The following VAV3 variants were observed in gnomAD, a reference collection of about 807,000 sequenced individuals.
VAV3 encodes the protein vav guanine nucleotide exchange factor 3, also known as guanine nucleotide exchange factor VAV3.
A neutral mutation model predicts 131.2 loss-of-function variants in VAV3; 94 were observed. The observed-to-expected ratio is 0.72, with a 90% CI of 0.61 to 0.85. The LOEUF (loss-of-function observed/expected upper bound fraction) is 0.85, where lower values mean the gene tolerates loss of function less well. Among genes scored for constraint, VAV3 ranks in the 40% least tolerant of loss-of-function variants. The probability of loss-of-function intolerance (pLI) is 0.00; values close to 1 mark genes in which losing one functional copy is unlikely to be tolerated. For missense variants in VAV3, 939 were observed against 1,002.7 expected (o/e 0.94, Z 0.86); for synonymous variants, 349 against 342.0 (o/e 1.02, Z -0.22).
At chr1:107,950,720 G>A (rs1229938971) in intron 1 of VAV3, among the ~76,000 whole-genome samples, 1 of 152,178 alleles carries the variant, frequency 6.6e-6, no homozygotes, top group Admixed American at 6.5e-5. Flanking sequence ...AAGGGAATTG[G>A]AGTAAAAATG....
Position 107,950,765 on chromosome 1 carries a change from A to G in VAV3, c.204+13901T>C, listed in dbSNP as rs573835815. On this transcript the variant is annotated intron_variant, in intron 1 of 26. Coordinates refer to ENST00000370056, the MANE Select transcript of VAV3 (RefSeq NM_006113.5). ...ATCATAAATTCTGACAGGACTCGAG[A>G]GTACACAGTCAAGACCAGATGGACC... is the stretch of plus-strand genomic sequence containing the variant. Among the ~76,000 whole-genome samples the G allele has an allele frequency of 2.0e-5, 3 of 152,260 alleles. No homozygotes were observed. In the East Asian group the frequency reaches 5.8e-4, roughly 29 times the overall value.
chr1:107,760,351 T>A (rs1368950597), intron 10 of VAV3, among the ~76,000 whole-genome samples: 2 of 152,160 alleles, frequency 1.3e-5, no homozygotes, highest in African/African-American at 4.8e-5. Context: ...TATAATTTAG[T>A]ATAGTAGAAA....
chr1:107,615,444 A>G (rs1262367980), intron 21 of VAV3, among the ~76,000 whole-genome samples: 2 of 152,202 alleles, frequency 1.3e-5, no homozygotes, highest in African/African-American at 4.8e-5. Context: ...ATATACAAAA[A>G]TCAGCTCGAG....
intron 25 of VAV3, among the ~76,000 whole-genome samples, chr1:107,581,618 A>G (rs1021519500): frequency 6.6e-6 from 1 of 152,230 alleles, no homozygotes; most frequent in Non-Finnish European, 1.5e-5. Context: ...GACTGAGAAG[A>G]TAACACCACA....
At chr1:107,595,709 A>G (rs1417405291) in intron 25 of VAV3, among the ~76,000 whole-genome samples, 2 of 152,182 alleles carry the variant, frequency 1.3e-5, no homozygotes, top group Admixed American at 1.3e-4. Context: ...TCATTCTGAA[A>G]GAAAGTGGCC....
At chr1:107,676,002 C>G (rs1658183197) in intron 19 of VAV3, among the ~76,000 whole-genome samples, 1 of 152,120 alleles carries the variant, frequency 6.6e-6, no homozygotes, top group Non-Finnish European at 1.5e-5. Context: ...AACAGAGGAT[C>G]CTACAAATGG....
chr1:107,766,403 T>C, intron 8 of VAV3, 44 bp downstream of exon 8: 1 of 1,319,738 alleles, frequency 7.6e-7, no homozygotes, highest in East Asian at 2.3e-5. Flanking sequence ...ATCCTCACTA[T>C]AATTACAAGC....
intron 1 of VAV3, among the ~76,000 whole-genome samples, chr1:107,926,710 C>T (rs1241149738): frequency 6.6e-6 from 1 of 152,190 alleles, no homozygotes; most frequent in Non-Finnish European, 1.5e-5. Context: ...CCAAACCAGG[C>T]TGAACTCAGC....
At chr1:107,879,367 G>C (rs1056262902) in intron 1 of VAV3, among the ~76,000 whole-genome samples, 3 of 152,140 alleles carry the variant, frequency 2.0e-5, no homozygotes, top group Non-Finnish European at 4.4e-5. Flanking sequence ...ATATACACAG[G>C]ATTGGCCTAA....
chr1:107,862,743 C>T (rs1669796825), intron 2 of VAV3: 1 of 151,470 alleles, frequency 6.6e-6, no homozygotes, highest in Non-Finnish European at 1.5e-5. Flanking sequence ...GGATACGGCC[C>T]AACAACTAAG....
intron 1 of VAV3, among the ~76,000 whole-genome samples, chr1:107,940,385 G>A (rs1673928863): frequency 6.6e-6 from 1 of 152,216 alleles, no homozygotes; most frequent in Non-Finnish European, 1.5e-5. Context: ...AAGCAAGCCA[G>A]TGTTCCCAGA....
intron 2 of VAV3, among the ~76,000 whole-genome samples, chr1:107,807,395 T>C (rs1228562704): frequency 6.6e-6 from 1 of 152,238 alleles, no homozygotes; most frequent in African/African-American, 2.4e-5. Context: ...TAAAAGAATC[T>C]GATTTATCCT....
At chr1:107,840,552 A>C (rs1668655831) in intron 2 of VAV3, among the ~76,000 whole-genome samples, 1 of 152,196 alleles carries the variant, frequency 6.6e-6, no homozygotes, top group Non-Finnish European at 1.5e-5. Flanking sequence ...TGCTTTGATG[A>C]CATTTCATTG....
intron 1 of VAV3, among the ~76,000 whole-genome samples, chr1:107,881,605 C>G (rs1267943253): frequency 6.6e-6 from 1 of 152,196 alleles, no homozygotes; most frequent in Non-Finnish European, 1.5e-5. Flanking sequence ...CTCTCTCCCT[C>G]TTCAGAAGGG....
chr1:107,759,349 A>C, intron 10 of VAV3, among the ~76,000 whole-genome samples: 1 of 152,198 alleles, frequency 6.6e-6, no homozygotes, highest in Non-Finnish European at 1.5e-5. Flanking sequence ...TACTTCATTA[A>C]ATAAAAGTCA....
At position 107,757,249 on chromosome 1, in the gene VAV3, A is replaced by G; in HGVS notation, c.1086+12T>C. 1.9e-6 allele frequency: 3 copies of G among 1,610,048 alleles called. No homozygotes were observed. The highest frequency in any genetic ancestry group is 2.5e-6 in the Non-Finnish European group (3 of 1,178,660). On this transcript the variant is annotated intron_variant, in intron 11 of 26. Coordinates refer to ENST00000370056, the MANE Select transcript of VAV3 (RefSeq NM_006113.5). ...AAAAAATACAAACAAATTACTGATGAATCTGCCCTACCTTCATGGCATCAA... is the reference window on the plus strand; with the variant it reads ...AAAAAATACAAACAAATTACTGATGGATCTGCCCTACCTTCATGGCATCAA...
At chr1:107,765,290 CA>C in intron 8 of VAV3, 115 bp from the exon 9 acceptor site, 2 of 751,242 alleles carry the variant, frequency 2.7e-6, no homozygotes, top group Non-Finnish European at 4.6e-6. Context: ...ACCAAAATAG[CA>C]GTAGAAATTA....
chr1:107,896,921 C>T (rs1030674653), intron 1 of VAV3, among the ~76,000 whole-genome samples: 1 of 152,058 alleles, frequency 6.6e-6, no homozygotes, highest in African/African-American at 2.4e-5. Context: ...AAAAAAGCCC[C>T]TCTCCAGAAA....
intron 15 of VAV3, among the ~76,000 whole-genome samples, chr1:107,740,658 T>C (rs1662967216): frequency 6.6e-6 from 1 of 152,222 alleles, no homozygotes; most frequent in South Asian, 2.1e-4. Flanking sequence ...GGTTTCATTA[T>C]AGCTGAGATC....
Sources: allele counts gnomAD v4.1 joint callset (sites outside exome capture counted in the v4.1 genomes callset), GRCh38; gene constraint gnomAD v4.1.1; transcripts MANE v1.5; gene names NCBI Gene and HGNC (gene_info 2026-07-23, HGNC 2026-07-21).